Variants in NYAP2 observed in about 807,000 individuals in gnomAD.
NYAP2 encodes the protein neuronal tyrosine-phosphorylated phosphoinositide-3-kinase adaptor 2.
NYAP2 carries 23 observed loss-of-function variants against 50.4 expected under a neutral mutation model. That is an observed-to-expected ratio of 0.46 (90% CI 0.33 to 0.65). The LOEUF (loss-of-function observed/expected upper bound fraction) is 0.65, where lower values mean the gene tolerates loss of function less well. Among genes scored for constraint, NYAP2 ranks in the 30% least tolerant of loss-of-function variants. The probability of loss-of-function intolerance (pLI) is 0.02; values close to 1 mark genes in which losing one functional copy is unlikely to be tolerated. For missense variants in NYAP2, 885 were observed against 861.0 expected, an observed-to-expected ratio of 1.03 and a Z score of -0.35; for synonymous variants, 394 against 365.2, an observed-to-expected ratio of 1.08 and a Z score of -0.90.
intron 3 of NYAP2, among the ~76,000 whole-genome samples, chr2:225,462,765 G>A (rs1474314172): frequency 2.6e-5 from 4 of 151,372 alleles, no homozygotes; most frequent in African/African-American, 7.4e-5. Flanking sequence ...ATAATTTAGA[G>A]CCCCCTCTAG....
intron 4 of NYAP2, among the ~76,000 whole-genome samples, chr2:225,578,906 C>G (rs1689746927): frequency 6.6e-6 from 1 of 152,090 alleles, no homozygotes; most frequent in African/African-American, 2.4e-5. Context: ...AATTTTCTCA[C>G]AATTCTTGGG....
chr2:225,549,121 T>C (rs890441108), intron 4 of NYAP2, among the ~76,000 whole-genome samples: 1 of 152,160 alleles, frequency 6.6e-6, no homozygotes, highest in Non-Finnish European at 1.5e-5. Flanking sequence ...CCTCAAGTGA[T>C]CCATCCACTT....
At chr2:225,423,159 A>G (rs1032035881) in intron 3 of NYAP2, among the ~76,000 whole-genome samples, 9 of 152,210 alleles carry the variant, frequency 5.9e-5, no homozygotes, top group African/African-American at 2.2e-4. Flanking sequence ...TGAGGTGAAA[A>G]CACGAAGCCT....
chr2:225,513,223 G>T, intron 3 of NYAP2, 148 bp from the exon 4 acceptor site: 1 of 704,200 alleles, frequency 1.4e-6, no homozygotes, highest in Non-Finnish European at 2.4e-6. Flanking sequence ...ATGCTTTCAT[G>T]CTACTTGAGT....
intron 4 of NYAP2, among the ~76,000 whole-genome samples, chr2:225,515,553 C>G (rs1233203741): frequency 6.6e-6 from 1 of 152,046 alleles, no homozygotes; most frequent in African/African-American, 2.4e-5. Context: ...TCTCATGATT[C>G]AGAGTTATCA....
intron 5 of NYAP2, among the ~76,000 whole-genome samples, chr2:225,596,889 C>A (rs1230737504): frequency 6.6e-6 from 1 of 152,042 alleles, no homozygotes; most frequent in Non-Finnish European, 1.5e-5. Flanking sequence ...AGCTAGATTG[C>A]ATGGTATTGA....
At chr2:225,670,786 C>T in the NYAP2 span, among the ~76,000 whole-genome samples, 3 of 151,888 alleles carry the variant, frequency 2.0e-5, no homozygotes, top group Non-Finnish European at 2.9e-5. Flanking sequence ...ATCATGGGTT[C>T]AATTCCAGAC....
the NYAP2 span, among the ~76,000 whole-genome samples, chr2:225,693,780 T>C: frequency 6.6e-6 from 1 of 151,978 alleles, no homozygotes; most frequent in Non-Finnish European, 1.5e-5. Flanking sequence ...AAGGTCAGGA[T>C]CCCAACATAA....
At chr2:225,519,886 C>T (rs1691015928) in intron 4 of NYAP2, among the ~76,000 whole-genome samples, 1 of 152,134 alleles carries the variant, frequency 6.6e-6, no homozygotes, top group Non-Finnish European at 1.5e-5. Context: ...ACACTCCCAC[C>T]AACAGTGTAA....
chr2:225,590,836 G>A (rs1036143826), intron 5 of NYAP2, among the ~76,000 whole-genome samples: 12 of 152,214 alleles, frequency 7.9e-5, no homozygotes, highest in Middle Eastern at 3.2e-3. Context: ...GAGGCCTTGA[G>A]AGTTTAAGAA....
At chr2:225,495,189 G>A (rs186787771) in intron 3 of NYAP2, among the ~76,000 whole-genome samples, 2 of 152,244 alleles carry the variant, frequency 1.3e-5, no homozygotes, top group East Asian at 1.9e-4. Context: ...ATAAGAAACA[G>A]CACTGATTGC....
chr2:225,699,319 A>T, the NYAP2 span: 1 of 151,952 alleles, frequency 6.6e-6, no homozygotes, highest in East Asian at 1.9e-4. Context: ...TTCAGAAATG[A>T]CTTTAGGGAC....
At chr2:225,551,727 C>G (rs947622792) in intron 4 of NYAP2, among the ~76,000 whole-genome samples, 1 of 152,198 alleles carries the variant, frequency 6.6e-6, no homozygotes, top group Non-Finnish European at 1.5e-5. Flanking sequence ...GTATTGGACA[C>G]TGGTCTTGGC....
chr2:225,429,542 G>C (rs1232881229), intron 3 of NYAP2, among the ~76,000 whole-genome samples: 1 of 152,120 alleles, frequency 6.6e-6, no homozygotes, highest in Non-Finnish European at 1.5e-5. Context: ...TATTCAGGTA[G>C]CTAAAAATCT....
intron 4 of NYAP2, among the ~76,000 whole-genome samples, chr2:225,581,570 C>T (rs1692268301): frequency 6.6e-6 from 1 of 152,050 alleles, no homozygotes; most frequent in Non-Finnish European, 1.5e-5. Flanking sequence ...GGTTTTTTTT[C>T]CTCCTGCATT....
chr2:225,595,665 T>C (rs533209242), intron 5 of NYAP2, among the ~76,000 whole-genome samples: 5 of 152,352 alleles, frequency 3.3e-5, no homozygotes, highest in South Asian at 4.1e-4. Flanking sequence ...ATCTCACTTG[T>C]AGCCTGCAGA....
At chr2:225,633,075 A>G (rs1270222840) in intron 6 of NYAP2, among the ~76,000 whole-genome samples, 1 of 152,232 alleles carries the variant, frequency 6.6e-6, no homozygotes, top group Non-Finnish European at 1.5e-5. Flanking sequence ...CTTAAAAATC[A>G]TTATGATTAT....
At chr2:225,624,011 G>T (rs866777648) in intron 5 of NYAP2, among the ~76,000 whole-genome samples, 2 of 152,196 alleles carry the variant, frequency 1.3e-5, no homozygotes, top group African/African-American at 2.4e-5. Context: ...AAATTAACAC[G>T]CTATTTCCAT....
the NYAP2 span, among the ~76,000 whole-genome samples, chr2:225,693,256 T>A: frequency 3.3e-5 from 5 of 152,240 alleles, no homozygotes; most frequent in African/African-American, 1.2e-4. Context: ...TTATTTTGGA[T>A]GACCTTTGGA....
Sources: allele counts gnomAD v4.1 joint callset (sites outside exome capture counted in the v4.1 genomes callset), GRCh38; gene constraint gnomAD v4.1.1; transcripts MANE v1.5; gene names NCBI Gene and HGNC (gene_info 2026-07-23, HGNC 2026-07-21).